Variants in ZBTB8A observed in about 807,000 individuals in gnomAD.
ZBTB8A encodes zinc finger and BTB domain containing 8A.
In ZBTB8A, 19 loss-of-function variants were observed where a neutral mutation model predicts 37.8. The observed-to-expected ratio is 0.50, with a 90% CI of 0.35 to 0.74. ZBTB8A has a LOEUF of 0.74. Ranked by LOEUF, ZBTB8A falls within the 30% of genes least tolerant of loss-of-function variation. The probability of loss-of-function intolerance (pLI) is 0.01; values close to 1 mark genes in which losing one functional copy is unlikely to be tolerated. For missense variants in ZBTB8A, 394 were observed against 537.8 expected (o/e 0.73, Z 2.65); for synonymous variants, 181 against 185.2 (o/e 0.98, Z 0.19).
At chr1:32,549,668 T>A (rs747931614) in intron 1 of ZBTB8A, among the ~76,000 whole-genome samples, 1 of 152,026 alleles carries the variant, frequency 6.6e-6, no homozygotes, top group Non-Finnish European at 1.5e-5. Flanking sequence ...AGTTCGAGTT[T>A]ACGGTGAGCT....
intron 2 of ZBTB8A, among the ~76,000 whole-genome samples, chr1:32,585,620 TTAATC>T (rs1294253419): frequency 6.6e-6 from 1 of 152,054 alleles, no homozygotes. Flanking sequence ...CTCCCCTAAA[TTAATC>T]TATAAGTTCA....
intron 2 of ZBTB8A, among the ~76,000 whole-genome samples, chr1:32,580,385 C>T (rs767054188): frequency 9.9e-5 from 15 of 151,674 alleles, no homozygotes; most frequent in Non-Finnish European, 1.8e-4. Context: ...TGGTGAAACT[C>T]CGTCTCTACT....
Position 32,601,711 on chromosome 1 carries a change from C to T in ZBTB8A, c.*1292C>T, listed in dbSNP as rs769710652. 14 of 398,332 alleles carry T rather than the reference C, an allele frequency of 3.5e-5. No homozygotes were observed. The highest frequency in any genetic ancestry group is 4.9e-5 in the Non-Finnish European group (11 of 226,020). The allele number at this position is 398,332 out of a possible 1,614,324, so 24.7% of individuals were successfully genotyped here. Reference sequence around the variant, plus strand: ...TTCAGCCTTCTCTCCCTGTATGTCTCCTGAAATGGCAAAGAATAGAAGTCA... The same window carrying T: ...TTCAGCCTTCTCTCCCTGTATGTCTTCTGAAATGGCAAAGAATAGAAGTCA... On this transcript the variant is annotated 3_prime_UTR_variant, in exon 5 of 5. Transcript: ENST00000373510.
In ZBTB8A at chr1:32,574,616, T is replaced by A. The variant is rs189586682; in HGVS notation, c.-1-18315T>A. 8.6e-4 allele frequency among the ~76,000 whole-genome samples: 131 copies of A among 152,128 alleles called. 1 individual carries two copies. Among genetic ancestry groups the A allele is most frequent in the African/African-American group, 2.3e-3 (96 of 41,524 alleles). On this transcript the variant is annotated intron_variant, in intron 2 of 4. Coordinates refer to ENST00000373510, the MANE Select transcript of ZBTB8A (RefSeq NM_001040441.3). ...TGTCTCTAAAATTAAAAAATAAAAA[T>A]TTTTTAAAAAATTATAACATGTTTT...
At chr1:32,594,957 T>C (rs1644518616) in intron 3 of ZBTB8A, 97 bp from the exon 4 acceptor site, 1 of 1,185,270 alleles carries the variant, frequency 8.4e-7, no homozygotes, top group Non-Finnish European at 1.1e-6. Context: ...AGTTTATTTT[T>C]TTCTTTCCTT....
chr1:32,599,117 A>G (rs898874275), intron 4 of ZBTB8A, among the ~76,000 whole-genome samples: 1 of 152,170 alleles, frequency 6.6e-6, no homozygotes, highest in African/African-American at 2.4e-5. Flanking sequence ...AATATTAATA[A>G]ATTTAAATTT....
intron 2 of ZBTB8A, among the ~76,000 whole-genome samples, chr1:32,555,205 C>T (rs1427924568): frequency 5.3e-5 from 8 of 152,050 alleles, no homozygotes; most frequent in South Asian, 2.1e-4. Flanking sequence ...CTGGCTAACA[C>T]GGTGAAAACC....
At chr1:32,588,850 A>G (rs1157705518) in intron 2 of ZBTB8A, among the ~76,000 whole-genome samples, 3 of 151,888 alleles carry the variant, frequency 2.0e-5, no homozygotes, top group Non-Finnish European at 4.4e-5. Flanking sequence ...TGGGTATGGT[A>G]GCATGCACCT....
At chr1:32,564,969 A>C (rs1364416927) in intron 2 of ZBTB8A, among the ~76,000 whole-genome samples, 2 of 152,164 alleles carry the variant, frequency 1.3e-5, no homozygotes, top group African/African-American at 4.8e-5. Flanking sequence ...TTGCAAAGTG[A>C]CTAATTCTGT....
In ZBTB8A at chr1:32,556,151, G is replaced by A. The variant is rs1022162460; in HGVS notation, c.-2+2611G>A. Among the ~76,000 whole-genome samples the A allele has an allele frequency of 3.9e-5, 6 of 152,178 alleles. No individual in the cohort carries two copies. In the East Asian group the frequency reaches 1.2e-3, roughly 29 times the overall value. On this transcript the variant is annotated intron_variant, in intron 2 of 4. Transcript: ENST00000373510. Reference sequence around the variant, plus strand: ...TGCAGTAACGTGATCTCAGCTCACTGCAACCTCCACCTCCCGGGTTCAAGC... The same window carrying A: ...TGCAGTAACGTGATCTCAGCTCACTACAACCTCCACCTCCCGGGTTCAAGC...
chr1:32,600,326 G>A lies in ZBTB8A; in HGVS notation c.1233G>A (p.Glu411=), dbSNP rs769328549. Residue 411 remains glutamate, a synonymous_variant, in exon 5 of 5, where the codon GAG becomes GAA. Coordinates refer to ENST00000373510, the MANE Select transcript of ZBTB8A (RefSeq NM_001040441.3). Reference sequence around the variant, plus strand: ...AAGATGAGAATAGATCCTATGTGGAGATTGTAGAAGATGGGTCTGCTGATC... The same window carrying A: ...AAGATGAGAATAGATCCTATGTGGAAATTGTAGAAGATGGGTCTGCTGATC... The part of the protein sequence containing the change: ...LSEDENRSYV[E]IVEDGSADLV... The A allele has an allele frequency of 4.3e-6, 7 of 1,614,172 alleles. No individual in the cohort carries two copies. The South Asian group carries it at 7.7e-5, about 18-fold the overall frequency.
intron 2 of ZBTB8A, among the ~76,000 whole-genome samples, chr1:32,567,195 A>G (rs1325067234): frequency 6.6e-6 from 1 of 152,112 alleles, no homozygotes; most frequent in African/African-American, 2.4e-5. Flanking sequence ...ACATGTCTGG[A>G]GCAGGAGGAA....
intron 2 of ZBTB8A, among the ~76,000 whole-genome samples, chr1:32,578,625 C>T (rs1644380847): frequency 6.6e-6 from 1 of 152,032 alleles, no homozygotes; most frequent in Admixed American, 6.6e-5. Context: ...TTTGCTAACT[C>T]TAGCATCTCT....
intron 3 of ZBTB8A, among the ~76,000 whole-genome samples, chr1:32,594,201 C>A (rs2504960): frequency 0.88 from 127,149 of 145,090 alleles, 54,647 homozygotes; most frequent in South Asian, 0.93. Context: ...CTCAAAAAAA[C>A]AAAAAAAGAA....
chr1:32,585,031 T>TC (rs1459830399), intron 2 of ZBTB8A, among the ~76,000 whole-genome samples: 1 of 141,422 alleles, frequency 7.1e-6, no homozygotes, highest in Non-Finnish European at 1.6e-5. Flanking sequence ...AGATTTCTTT[T>TC]TTTTTTTTTT....
At position 32,602,971 on chromosome 1, in the gene ZBTB8A, A is replaced by C. The variant is rs1304627028; in HGVS notation, c.*2552A>C. On this transcript the variant is annotated 3_prime_UTR_variant, in exon 5 of 5. Coordinates refer to ENST00000373510, the MANE Select transcript of ZBTB8A (RefSeq NM_001040441.3). ...TACCAATTTCTAGGCTAAATTGGTT[A>C]CTTTCTTTTAAAAAATTTAAAAATA... 6.6e-6 allele frequency: 1 copy of C among 152,172 alleles called. No homozygotes were observed. The highest frequency in any genetic ancestry group is 2.4e-5 in the African/African-American group (1 of 41,438). 9.4% of individuals were successfully genotyped at this position (152,172 alleles called of 1,614,324 possible).
At chr1:32,589,311 C>T (rs980065063) in intron 2 of ZBTB8A, among the ~76,000 whole-genome samples, 12 of 151,868 alleles carry the variant, frequency 7.9e-5, no homozygotes, top group African/African-American at 2.7e-4. Context: ...AGTGCAGTGG[C>T]GCAATCTCGG....
At chr1:32,563,939 T>C (rs956623434) in intron 2 of ZBTB8A, among the ~76,000 whole-genome samples, 2 of 152,192 alleles carry the variant, frequency 1.3e-5, no homozygotes, top group Admixed American at 6.6e-5. Context: ...ATCTTGCTTC[T>C]TAATAATGTT....
intron 2 of ZBTB8A, among the ~76,000 whole-genome samples, chr1:32,582,093 AGAGGAATTATTATATTTTAACT>A (rs1219557715): frequency 6.6e-6 from 1 of 152,178 alleles, no homozygotes. Context: ...CAAAGAGAAC[AGAGGAATTATTATATTTTAACT>A]GAGAGGATAT....
Sources: gnomAD v4.1 joint callset for allele counts (sites outside exome capture counted in the v4.1 genomes callset) on GRCh38, gnomAD v4.1.1 for gene constraint, MANE v1.5 for transcripts, NCBI Gene and HGNC (gene_info 2026-07-23, HGNC 2026-07-21) for gene names.